NRG3: variants seen among roughly 807,000 people sequenced by gnomAD.
NRG3 encodes the protein pro-neuregulin-3, membrane-bound isoform.
In NRG3, 31 loss-of-function variants were observed where a neutral mutation model predicts 66.9. The ratio of observed to expected loss-of-function variants is 0.46; its 90% CI spans 0.35 to 0.63. The LOEUF is 0.63. NRG3 is among the 20% of genes least tolerant of loss of function. The probability of loss-of-function intolerance (pLI) is 0.00; values close to 1 mark genes in which losing one functional copy is unlikely to be tolerated. For synonymous variants in NRG3, 393 were observed against 359.4 expected, an observed-to-expected ratio of 1.09 and a Z score of -1.06; for missense variants, 910 against 878.9, an observed-to-expected ratio of 1.04 and a Z score of -0.45.
intron 2 of NRG3, among the ~76,000 whole-genome samples, chr10:82,520,367 T>C (rs773005041): frequency 6.6e-6 from 1 of 151,968 alleles, no homozygotes; most frequent in Non-Finnish European, 1.5e-5. Context: ...CCCAGTAAGA[T>C]GATGGGAGTC....
At chr10:82,450,757 A>T (rs2090983472) in intron 2 of NRG3, among the ~76,000 whole-genome samples, 1 of 152,198 alleles carries the variant, frequency 6.6e-6, no homozygotes, top group Non-Finnish European at 1.5e-5. Flanking sequence ...ATCAAGTTCA[A>T]CACTGACATT....
intron 1 of NRG3, among the ~76,000 whole-genome samples, chr10:82,233,658 A>G (rs2076611665): frequency 6.6e-6 from 1 of 151,964 alleles, no homozygotes; most frequent in African/African-American, 2.4e-5. Flanking sequence ...GATATGTCCA[A>G]AACATACCTC....
In NRG3 at chr10:82,558,814, G is replaced by A. The variant is rs189532043; in HGVS notation, c.954-179763G>A. Among the ~76,000 whole-genome samples the A allele has an allele frequency of 8.4e-4, 128 of 151,998 alleles. 7 individuals carry two copies. Among genetic ancestry groups the A allele is most frequent in the Middle Eastern group, 3.4e-3 (1 of 294 alleles). On this transcript the variant is annotated intron_variant, in intron 2 of 8. Transcript: ENST00000372141. ...TGTGTTGTCTAACAGGTCTGCTTCC[G>A]AGCTTAACCTCATATTCTTGGGCAT...
intron 1 of NRG3, among the ~76,000 whole-genome samples, chr10:82,032,721 G>A (rs2062626777): frequency 1.3e-5 from 2 of 152,132 alleles, no homozygotes; most frequent in African/African-American, 4.8e-5. Context: ...AGCACATTGT[G>A]CGTTAACTTT....
chr10:82,594,366 A>C (rs2047150803), intron 2 of NRG3, among the ~76,000 whole-genome samples: 2 of 152,278 alleles, frequency 1.3e-5, no homozygotes, highest in South Asian at 2.1e-4. Flanking sequence ...CATGGTAATA[A>C]GTTTTTTGTG....
chr10:82,893,556 C>T (rs889861429), intron 4 of NRG3, among the ~76,000 whole-genome samples: 4 of 152,018 alleles, frequency 2.6e-5, no homozygotes, highest in African/African-American at 7.2e-5. Context: ...GGTGTGTTGG[C>T]GTGTGCCTGT....
chr10:82,480,177 T>G (rs1353957747), intron 2 of NRG3, among the ~76,000 whole-genome samples: 1 of 152,176 alleles, frequency 6.6e-6, no homozygotes, highest in African/African-American at 2.4e-5. Flanking sequence ...CAAAGTAGAT[T>G]AGTGGTTGTC....
chr10:82,849,970 A>G (rs1360746191), intron 3 of NRG3, among the ~76,000 whole-genome samples: 1 of 152,182 alleles, frequency 6.6e-6, no homozygotes, highest in African/African-American at 2.4e-5. Flanking sequence ...TAACATAGGT[A>G]GGGAGCAAAG....
intron 1 of NRG3, among the ~76,000 whole-genome samples, chr10:82,102,623 T>C (rs988185842): frequency 6.6e-6 from 1 of 151,972 alleles, no homozygotes; most frequent in South Asian, 2.1e-4. Flanking sequence ...TATTTTATAT[T>C]ATACCCACAC....
intron 2 of NRG3, among the ~76,000 whole-genome samples, chr10:82,656,308 C>CTTTTTTTTTT (rs3040205): frequency 1.5e-5 from 2 of 132,036 alleles, no homozygotes; most frequent in African/African-American, 2.8e-5. Flanking sequence ...TTTCTTTTTT[C>CTTTTTTTTTT]TTTTTTTTTT....
intron 4 of NRG3, among the ~76,000 whole-genome samples, chr10:82,946,514 G>C (rs1849037880): frequency 6.6e-6 from 1 of 151,852 alleles, no homozygotes; most frequent in Admixed American, 6.6e-5. Context: ...ACTCCAGGCT[G>C]GTGACAGAGC....
At chr10:81,901,276 G>T (rs781522438) in intron 1 of NRG3, among the ~76,000 whole-genome samples, 2 of 152,230 alleles carry the variant, frequency 1.3e-5, no homozygotes, top group Admixed American at 6.5e-5. Flanking sequence ...AACTGCAGCC[G>T]GGGCCTCCCT....
chr10:82,701,426 C>G (rs2055872291), intron 2 of NRG3, among the ~76,000 whole-genome samples: 1 of 152,060 alleles, frequency 6.6e-6, no homozygotes, highest in Non-Finnish European at 1.5e-5. Context: ...TTCTTGAGTC[C>G]TTTTGAGATC....
In NRG3 at chr10:82,000,497, C is replaced by G. The variant is rs746035782; in HGVS notation, c.823+124334C>G. Among the ~76,000 whole-genome samples, 3 of 152,152 alleles carry G rather than the reference C, an allele frequency of 2.0e-5. No individual in the cohort carries two copies. The East Asian group carries it at 5.8e-4, about 29-fold the overall frequency. On this transcript the variant is annotated intron_variant, in intron 1 of 8. Coordinates refer to ENST00000372141, the MANE Select transcript of NRG3 (RefSeq NM_001010848.4). ...AATTTGTGAGATCCAAGACTGGAAG[C>G]AGGGTCATGTATCACCCTTAGCTCC...
At chr10:82,959,728 G>A (rs1850426991) in intron 6 of NRG3, among the ~76,000 whole-genome samples, 1 of 152,176 alleles carries the variant, frequency 6.6e-6, no homozygotes, top group African/African-American at 2.4e-5. Flanking sequence ...AGAATCAAAG[G>A]TGAAAGGTGG....
At chr10:82,435,250 C>T (rs976585926) in intron 2 of NRG3, among the ~76,000 whole-genome samples, 4 of 152,162 alleles carry the variant, frequency 2.6e-5, no homozygotes, top group Non-Finnish European at 5.9e-5. Context: ...TTACAGCATT[C>T]TCTGATGGTA....
chr10:82,939,632 G>T (rs1293018978), intron 4 of NRG3, among the ~76,000 whole-genome samples: 1 of 151,790 alleles, frequency 6.6e-6, no homozygotes, highest in Non-Finnish European at 1.5e-5. Context: ...ACCACGCCCT[G>T]CTAATTTTTC....
At position 82,249,003 on chromosome 10, in the gene NRG3, C is replaced by G. The variant is rs76702949; in HGVS notation, c.824-109736C>G. 2.7e-4 allele frequency among the ~76,000 whole-genome samples: 41 copies of G among 152,210 alleles called. No homozygotes were observed. The East Asian group carries it at 7.7e-3, about 29-fold the overall frequency. ...CCTTCCACCTCCATTAAAATCCTAC[C>G]TGCCATTCACAAGACCCAGAACAAA... is the stretch of plus-strand genomic sequence containing the variant. On this transcript the variant is annotated intron_variant, in intron 1 of 8. Coordinates refer to ENST00000372141, the MANE Select transcript of NRG3 (RefSeq NM_001010848.4).
chr10:82,729,554 G>A (rs760626667), intron 2 of NRG3, among the ~76,000 whole-genome samples: 2 of 152,116 alleles, frequency 1.3e-5, no homozygotes, highest in Non-Finnish European at 2.9e-5. Context: ...AGTGTACAGG[G>A]TGTTCATGCC....
Sources: gnomAD v4.1 joint callset for allele counts (sites outside exome capture counted in the v4.1 genomes callset) on GRCh38, gnomAD v4.1.1 for gene constraint, MANE v1.5 for transcripts, NCBI Gene and HGNC (gene_info 2026-07-23, HGNC 2026-07-21) for gene names.